The following ATIC variants were observed in gnomAD, a reference collection of about 807,000 sequenced individuals.
ATIC encodes the protein 5-aminoimidazole-4-carboxamide ribonucleotide formyltransferase/IMP cyclohydrolase.
A neutral mutation model predicts 72.5 loss-of-function variants in ATIC; 64 were observed. The observed-to-expected ratio is 0.88, with a 90% CI of 0.72 to 1.09. ATIC has a LOEUF of 1.09. Ranked by LOEUF, ATIC falls within the 50% of genes least tolerant of loss-of-function variation. The probability of loss-of-function intolerance (pLI) is 0.00; values close to 1 mark genes in which losing one functional copy is unlikely to be tolerated. For missense variants in ATIC, 787 were observed against 732.4 expected (o/e 1.07, Z -0.86); for synonymous variants, 281 against 267.1 (o/e 1.05, Z -0.51).
Position 215,318,199 on chromosome 2 carries a change from A to T in ATIC, c.189A>T (p.Gly63=). ...CGGGATTTCCTGAAATGTTGGGGGG[A>T]CGTGTGAAAACTTTGCATCCTGCAG... ...ELTGFPEMLG[G]RVKTLHPAVH... is the part of the protein sequence containing the mutation. The change falls in exon 3 of 16, where the codon GGA becomes GGT. Residue 63 remains glycine, a synonymous_variant. Coordinates refer to ENST00000236959, the MANE Select transcript of ATIC (RefSeq NM_004044.7). The T allele has an allele frequency of 6.2e-7, 1 of 1,613,956 alleles. No homozygotes were observed. Among genetic ancestry groups the T allele is most frequent in the East Asian group, 2.2e-5 (1 of 44,866 alleles).
At chr2:215,358,177 T>G in the ATIC span, among the ~76,000 whole-genome samples, 2 of 152,182 alleles carry the variant, frequency 1.3e-5, no homozygotes, top group South Asian at 4.2e-4. Context: ...TTTGCATAAT[T>G]CACTTAGATT....
intron 9 of ATIC, among the ~76,000 whole-genome samples, chr2:215,334,053 A>T (rs1411552216): frequency 6.7e-6 from 1 of 148,650 alleles, no homozygotes; most frequent in Non-Finnish European, 1.5e-5. Context: ...AAAAAAAAAA[A>T]GTATTTGTTA....
chr2:215,341,664 T>C (rs1233836032), intron 12 of ATIC, among the ~76,000 whole-genome samples: 1 of 152,206 alleles, frequency 6.6e-6, no homozygotes, highest in Non-Finnish European at 1.5e-5. Context: ...TGTTTATTAA[T>C]ACTGAACATG....
At chr2:215,338,678 C>A in intron 11 of ATIC, 101 bp from the exon 12 acceptor site, 1 of 1,219,380 alleles carries the variant, frequency 8.2e-7, no homozygotes, top group Non-Finnish European at 1.1e-6. Context: ...TAGAAACATG[C>A]ATATAACTTT....
intron 10 of ATIC, among the ~76,000 whole-genome samples, 180 bp downstream of exon 10, chr2:215,335,184 G>T (rs2052941586): frequency 6.6e-6 from 1 of 152,106 alleles, no homozygotes; most frequent in Non-Finnish European, 1.5e-5. Context: ...ATTTTGAAAT[G>T]TAGTGAATTA....
intron 4 of ATIC, among the ~76,000 whole-genome samples, chr2:215,323,152 C>T (rs565385425): frequency 2.0e-5 from 3 of 152,028 alleles, no homozygotes; most frequent in East Asian, 3.9e-4. Flanking sequence ...TCACCGTGTT[C>T]GCCAGGATGG....
the ATIC span, chr2:215,365,558 A>G: frequency 6.2e-7 from 1 of 1,614,088 alleles, no homozygotes; most frequent in South Asian, 1.1e-5. Flanking sequence ...GCAGCTCATC[A>G]TCTGGCCATT....
chr2:215,326,822 G>C lies in ATIC; in HGVS notation c.532G>C (p.Ala178Pro), dbSNP rs2052832559. 6.2e-7 allele frequency: 1 copy of C among 1,613,826 alleles called. No homozygotes were observed. Among genetic ancestry groups the C allele is most frequent in the Non-Finnish European group, 8.5e-7 (1 of 1,180,020 alleles). The change falls in exon 7 of 16, where the codon GCA (alanine) becomes CCA (proline). Residue 178 changes from alanine to proline, a missense_variant and splice_region_variant. Transcript: ENST00000236959. Reference protein sequence around the residue: ...LETRRQLALKAFTHTAQYDEA... With the variant: ...LETRRQLALKPFTHTAQYDEA... ...CTCACAAAACTTACGCTTTTTGTAG[G>C]CATTCACTCATACGGCACAATATGA... is the stretch of plus-strand genomic sequence containing the variant.
At chr2:215,336,846 T>C (rs1289066090) in intron 11 of ATIC, among the ~76,000 whole-genome samples, 2 of 152,228 alleles carry the variant, frequency 1.3e-5, no homozygotes, top group African/African-American at 2.4e-5. Flanking sequence ...CCCTTTTAGA[T>C]GTTGTAGGCA....
In ATIC at chr2:215,349,172, G is replaced by A; in HGVS notation, c.1582G>A (p.Val528Ile). 1 of 1,614,136 alleles carries A rather than the reference G, an allele frequency of 6.2e-7. No individual in the cohort carries two copies. Among genetic ancestry groups the A allele is most frequent in the Non-Finnish European group, 8.5e-7 (1 of 1,180,012 alleles). ...CACTGAGGCAGAGAAGAAGGAATGG[G>A]TTGAGAAACTGACTGAAGTTTCTAT... ...LLTEAEKKEW[V>I]EKLTEVSISS... The change falls in exon 15 of 16, where the codon GTT becomes ATT. Residue 528 changes from valine (V) to isoleucine (I), a missense_variant. Physicochemically the swap from Val to Ile is conservative, Grantham distance 29 (BLOSUM62 3). Coordinates refer to ENST00000236959, the MANE Select transcript of ATIC (RefSeq NM_004044.7).
chr2:215,317,933 C>T (rs2052727001), intron 2 of ATIC, among the ~76,000 whole-genome samples: 1 of 152,124 alleles, frequency 6.6e-6, no homozygotes, highest in Non-Finnish European at 1.5e-5. Context: ...CCAATTATCC[C>T]TGAACATACA....
intron 12 of ATIC, among the ~76,000 whole-genome samples, chr2:215,342,589 ACCCTTGGGCAAC>A (rs1276699949): frequency 6.6e-6 from 1 of 151,926 alleles, no homozygotes; most frequent in East Asian, 1.9e-4. Context: ...CCCTCTCCTT[ACCCTTGGGCAAC>A]CACAAATCTG....
In ATIC at chr2:215,349,753, T is replaced by G. The variant is rs1254778342; in HGVS notation, c.*98T>G. Reference sequence around the variant, plus strand: ...TTTTAAAAAAATAAAACAGTATCTCTTAATCACTGGATCCATAGTTTTTGG... The same window carrying G: ...TTTTAAAAAAATAAAACAGTATCTCGTAATCACTGGATCCATAGTTTTTGG... On this transcript the variant is annotated 3_prime_UTR_variant, in exon 16 of 16. Coordinates refer to ENST00000236959, the MANE Select transcript of ATIC (RefSeq NM_004044.7). 2 of 1,594,992 alleles carry G rather than the reference T, an allele frequency of 1.3e-6. No individual in the cohort carries two copies. The highest frequency in any genetic ancestry group is 1.7e-6 in the Non-Finnish European group (2 of 1,163,742).
intron 4 of ATIC, among the ~76,000 whole-genome samples, chr2:215,323,361 T>C (rs1168416368): frequency 6.6e-6 from 1 of 152,198 alleles, no homozygotes; most frequent in Non-Finnish European, 1.5e-5. Context: ...GGAATTTTCA[T>C]AGGTATTGTG....
chr2:215,339,906 G>A (rs995083740), intron 12 of ATIC, among the ~76,000 whole-genome samples: 1 of 151,992 alleles, frequency 6.6e-6, no homozygotes, highest in East Asian at 1.9e-4. Flanking sequence ...AAAGTGCTGG[G>A]GTTACAGGCG....
At chr2:215,342,570 T>C (rs115996084) in intron 12 of ATIC, among the ~76,000 whole-genome samples, 3 of 152,238 alleles carry the variant, frequency 2.0e-5, no homozygotes, top group Admixed American at 6.5e-5. Context: ...TCACTTGATA[T>C]GGCTTCCACC....
intron 7 of ATIC, among the ~76,000 whole-genome samples, chr2:215,331,666 G>A (rs1305675941): frequency 3.9e-5 from 6 of 152,226 alleles, no homozygotes; most frequent in African/African-American, 1.2e-4. Flanking sequence ...ATGGGGGTGA[G>A]CCATTGTACC....
At chr2:215,352,490 G>A (rs1443701950), downstream of ATIC, among the ~76,000 whole-genome samples, 1 of 151,972 alleles carries the variant, frequency 6.6e-6, no homozygotes, top group South Asian at 2.1e-4. Context: ...GCTGAGGCAG[G>A]AGAATTGCTT....
the ATIC span, among the ~76,000 whole-genome samples, chr2:215,356,189 G>A: frequency 3.9e-5 from 6 of 152,270 alleles, no homozygotes; most frequent in South Asian, 2.1e-4. Context: ...CCTGAGTCAC[G>A]ATAAATACTG....
Sources: allele counts gnomAD v4.1 joint callset (sites outside exome capture counted in the v4.1 genomes callset), GRCh38; gene constraint gnomAD v4.1.1; transcripts MANE v1.5; gene names NCBI Gene and HGNC (gene_info 2026-07-23, HGNC 2026-07-21).